Variants in CR1 observed in about 807,000 individuals in gnomAD.
CR1 encodes the protein complement receptor type 1.
A neutral mutation model predicts 187.3 loss-of-function variants in CR1; 116 were observed. That is an observed-to-expected ratio of 0.62 (90% CI 0.53 to 0.72). The LOEUF is 0.72. CR1 is among the 30% of genes least tolerant of loss of function. CR1 has a pLI of 0.00. For synonymous variants in CR1, 576 were observed against 747.1 expected, an observed-to-expected ratio of 0.77 and a Z score of 3.73; for missense variants, 1,731 against 2,110.7, an observed-to-expected ratio of 0.82 and a Z score of 3.52.
At chr1:207,499,065 C>T (rs1297715808) in intron 1 of CR1, among the ~76,000 whole-genome samples, 1 of 151,962 alleles carries the variant, frequency 6.6e-6, no homozygotes, top group African/African-American at 2.4e-5. Context: ...CCATTTGAAA[C>T]AGATCATCAG....
intron 39 of CR1, among the ~76,000 whole-genome samples, chr1:207,612,752 G>T (rs1661971723): frequency 6.6e-6 from 1 of 152,224 alleles, no homozygotes; most frequent in South Asian, 2.1e-4. Context: ...TGAGTGTGGG[G>T]TCCAGCTGGC....
chr1:207,635,015 A>G (rs572577718), intron 46 of CR1, among the ~76,000 whole-genome samples: 2 of 152,338 alleles, frequency 1.3e-5, no homozygotes, highest in African/African-American at 2.4e-5. Context: ...GTTTTCTACT[A>G]ATGTCTCCAT....
rs914840013 is a variant in CR1, at chr1:207,609,623, G to T, written c.6230G>T (p.Gly2077Val). The T allele has an allele frequency of 3.0e-5, 48 of 1,611,046 alleles. No individual in the cohort carries two copies. The highest frequency in any genetic ancestry group is 2.0e-4 in the Admixed American group (12 of 59,706). ...TGTCAGCCCGGGTTTGTCATGGTAGGGTCCCACACTGTGCAGTGCCAGACC... is the reference window on the plus strand; with the variant it reads ...TGTCAGCCCGGGTTTGTCATGGTAGTGTCCCACACTGTGCAGTGCCAGACC... ...FRCQPGFVMV[G>V]SHTVQCQTNG... Residue 2077 changes from glycine (G) to valine (V), a missense_variant, in exon 37 of 47, where the codon GGG becomes GTG. By Grantham distance (109) the Gly-to-Val change is moderately radical (BLOSUM62 -3). This residue lies in a region of CR1 where 1,312 missense variants were observed against 1,379.6 expected (regional missense o/e 0.95). Transcript: ENST00000367049.
chr1:207,609,747 T>C, intron 37 of CR1, 59 bp downstream of exon 37: 1 of 1,462,388 alleles, frequency 6.8e-7, no homozygotes, highest in East Asian at 2.4e-5. Flanking sequence ...TGATAGGAGT[T>C]GTTGAAATTA....
At chr1:207,626,247 C>T (rs1484033588) in intron 45 of CR1, among the ~76,000 whole-genome samples, 1 of 152,126 alleles carries the variant, frequency 6.6e-6, no homozygotes, top group Non-Finnish European at 1.5e-5. Context: ...TAACAAAACA[C>T]CACTGATTTT....
intron 3 of CR1, among the ~76,000 whole-genome samples, chr1:207,507,872 G>C (rs1046510146): frequency 6.6e-6 from 1 of 151,938 alleles, no homozygotes; most frequent in African/African-American, 2.4e-5. Flanking sequence ...GCCAAAACTT[G>C]GAAGCAATCA....
intron 45 of CR1, among the ~76,000 whole-genome samples, chr1:207,629,465 C>T (rs761848914): frequency 3.9e-5 from 6 of 152,292 alleles, no homozygotes; most frequent in Admixed American, 2.0e-4. Context: ...GTCATACCAC[C>T]TGGCTATATA....
intron 33 of CR1, among the ~76,000 whole-genome samples, chr1:207,586,196 G>C (rs1473326724): frequency 6.6e-6 from 1 of 151,838 alleles, no homozygotes; most frequent in Non-Finnish European, 1.5e-5. Context: ...GGAGTAGAGT[G>C]GTGCAATCAT....
chr1:207,591,476 C>A (rs1210296633), intron 35 of CR1, among the ~76,000 whole-genome samples: 2 of 150,838 alleles, frequency 1.3e-5, no homozygotes, highest in Non-Finnish European at 3.0e-5. Flanking sequence ...ATTTATAGCA[C>A]TAAATGCCCA....
At chr1:207,599,198 C>G (rs1266419807) in intron 35 of CR1, among the ~76,000 whole-genome samples, 1 of 152,092 alleles carries the variant, frequency 6.6e-6, no homozygotes, top group Non-Finnish European at 1.5e-5. Context: ...ACAGGCAATT[C>G]ACAAAAGGAA....
chr1:207,518,849 G>T (rs769284178), intron 4 of CR1, among the ~76,000 whole-genome samples: 62 of 152,072 alleles, frequency 4.1e-4, no homozygotes, highest in Non-Finnish European at 7.6e-4. Context: ...CTCCAAACTG[G>T]GTCATATTCA....
intron 1 of CR1, among the ~76,000 whole-genome samples, chr1:207,502,269 A>G (rs1157648042): frequency 6.6e-6 from 1 of 152,200 alleles, no homozygotes; most frequent in Non-Finnish European, 1.5e-5. Context: ...ACAAATTGTA[A>G]TAACAAACAA....
intron 46 of CR1, 72 bp from the exon 47 acceptor site, chr1:207,639,325 C>G: frequency 3.6e-6 from 5 of 1,394,858 alleles, no homozygotes; most frequent in Non-Finnish European, 5.0e-6. Flanking sequence ...CAAAGCTTAT[C>G]AGCCTGTAAA....
In CR1 at chr1:207,641,009, T is replaced by C. The variant is rs2102428283; in HGVS notation, c.*1600T>C. 1 of 152,288 alleles carries C rather than the reference T, an allele frequency of 6.6e-6. No homozygotes were observed. The highest frequency in any genetic ancestry group is 2.1e-4 in the South Asian group (1 of 4,824). 9.4% of individuals were successfully genotyped at this position (152,288 alleles called of 1,614,324 possible). On this transcript the variant is annotated 3_prime_UTR_variant, in exon 47 of 47. Coordinates refer to ENST00000367049, the MANE Select transcript of CR1 (RefSeq NM_000651.6). ...AATTGCTTTATTATTTAGAGAGTACTTAAAAATTAAAGACCAAACTTCTCT... is the reference window on the plus strand; with the variant it reads ...AATTGCTTTATTATTTAGAGAGTACCTAAAAATTAAAGACCAAACTTCTCT...
At chr1:207,616,466 T>G (rs1408472049) in intron 40 of CR1, 109 bp from the exon 41 acceptor site, 3 of 1,312,374 alleles carry the variant, frequency 2.3e-6, no homozygotes, top group African/African-American at 3.0e-5. Flanking sequence ...CTTAGTTATA[T>G]TCTTTCTAAA....
At chr1:207,508,284 A>G (rs1179980254) in intron 3 of CR1, among the ~76,000 whole-genome samples, 1 of 152,228 alleles carries the variant, frequency 6.6e-6, no homozygotes, top group Non-Finnish European at 1.5e-5. Flanking sequence ...CCTAACATAA[A>G]CTATGGACTT....
At position 207,611,675 on chromosome 1, in the gene CR1, A is replaced by G. The variant is rs1433639201; in HGVS notation, c.6296-2A>G. Reference sequence around the variant, plus strand: ...AGTGCTCTGGAACTGTCCTTTCCACAGTGTGTCAGCCGCCTCCAGAAATCC... The same window carrying G: ...AGTGCTCTGGAACTGTCCTTTCCACGGTGTGTCAGCCGCCTCCAGAAATCC... On this transcript the variant is annotated splice_acceptor_variant, in intron 37 of 46. Transcript: ENST00000367049. LOFTEE classifies it high-confidence loss of function. 1.2e-6 allele frequency: 2 copies of G among 1,613,596 alleles called. No homozygotes were observed. Among genetic ancestry groups the G allele is most frequent in the Admixed American group, 1.7e-5 (1 of 59,982 alleles).
intron 27 of CR1, among the ~76,000 whole-genome samples, chr1:207,574,318 G>A (rs767507539): frequency 3.3e-5 from 5 of 152,090 alleles, no homozygotes; most frequent in Non-Finnish European, 5.9e-5. Context: ...ACCCGCAAAA[G>A]AAATAAGTTT....
At chr1:207,505,882 C>G (rs1239449295) in intron 1 of CR1, 22 bp from the exon 2 acceptor site, 1 of 1,594,616 alleles carries the variant, frequency 6.3e-7, no homozygotes. Context: ...AACTTTGATG[C>G]TTCTATGGTC....
Sources: allele counts gnomAD v4.1 joint callset (sites outside exome capture counted in the v4.1 genomes callset), GRCh38; gene constraint gnomAD v4.1.1; regional missense constraint gnomAD v4.1.1; transcripts MANE v1.5; gene names NCBI Gene and HGNC (gene_info 2026-07-23, HGNC 2026-07-21).